Variants in PALM2AKAP2 observed in about 807,000 individuals in gnomAD.
The protein encoded by PALM2AKAP2 is PALM2 and AKAP2 fusion, also known as PALM2-AKAP2 fusion protein.
PALM2AKAP2 carries 37 observed loss-of-function variants against 71.5 expected under a neutral mutation model. The ratio of observed to expected loss-of-function variants is 0.52; its 90% CI spans 0.40 to 0.68. The LOEUF is 0.68. PALM2AKAP2 is among the 30% of genes least tolerant of loss of function. The pLI, the probability that PALM2AKAP2 is intolerant of heterozygous loss-of-function variation, is 0.00. For synonymous variants in PALM2AKAP2, 468 were observed against 478.8 expected (o/e 0.98, Z 0.29); for missense variants, 1,224 against 1,191.8 (o/e 1.03, Z -0.40).
chr9:109,676,093 A>G (rs969041964), intron 1 of PALM2AKAP2, among the ~76,000 whole-genome samples: 7 of 152,194 alleles, frequency 4.6e-5, no homozygotes, highest in Admixed American at 4.6e-4. Context: ...TGGGTAGAGA[A>G]AAGTAGTCAG....
intron 1 of PALM2AKAP2, among the ~76,000 whole-genome samples, chr9:110,080,126 C>A (rs1424580528): frequency 2.1e-5 from 3 of 142,902 alleles, no homozygotes; most frequent in African/African-American, 7.7e-5. Flanking sequence ...TCTGAAAAAT[C>A]AACTTTGTTC....
intron 1 of PALM2AKAP2, among the ~76,000 whole-genome samples, chr9:109,801,339 C>G (rs1368019325): frequency 1.3e-5 from 2 of 152,080 alleles, no homozygotes; most frequent in African/African-American, 4.8e-5. Context: ...AGGAGGAAGT[C>G]TATGGACAAT....
intron 1 of PALM2AKAP2, among the ~76,000 whole-genome samples, chr9:109,749,136 G>A (rs1267576606): frequency 6.6e-6 from 1 of 152,146 alleles, no homozygotes; most frequent in Non-Finnish European, 1.5e-5. Flanking sequence ...CCTTAAACAT[G>A]AGGCGATAGA....
chr9:110,026,161 C>T lies in PALM2AKAP2; in HGVS notation c.582+10122C>T, dbSNP rs550051311. 5.9e-5 allele frequency among the ~76,000 whole-genome samples: 9 copies of T among 152,178 alleles called. No homozygotes were observed. In the South Asian group the frequency reaches 1.5e-3, roughly 25 times the overall value. ...ACAGTGTGATCATGGCTTACTGCAGCCTCAACCTCCCAGGCCCAAGCAATC... is the reference window on the plus strand; with the variant it reads ...ACAGTGTGATCATGGCTTACTGCAGTCTCAACCTCCCAGGCCCAAGCAATC... On this transcript the variant is annotated intron_variant, in intron 7 of 9. Coordinates refer to the PALM2AKAP2 transcript ENST00000302798.
At chr9:110,094,437 A>C (rs185768286) in intron 1 of PALM2AKAP2, among the ~76,000 whole-genome samples, 4 of 152,156 alleles carry the variant, frequency 2.6e-5, no homozygotes, top group African/African-American at 9.7e-5. Flanking sequence ...GTAATTTATA[A>C]AGACAAGAGG....
At chr9:109,912,780 G>A in intron 3 of PALM2AKAP2, among the ~76,000 whole-genome samples, 1 of 152,202 alleles carries the variant, frequency 6.6e-6, no homozygotes, top group Non-Finnish European at 1.5e-5. Flanking sequence ...TTCTTAGGAT[G>A]GAAGAAGGGG....
chr9:110,161,732 C>T (rs1266816161), intron 3 of PALM2AKAP2, among the ~76,000 whole-genome samples: 4 of 152,142 alleles, frequency 2.6e-5, no homozygotes, highest in African/African-American at 4.8e-5. Context: ...TATTTGGCTA[C>T]AGACTCTAGC....
At chr9:110,096,547 A>C (rs10980198) in intron 1 of PALM2AKAP2, among the ~76,000 whole-genome samples, 2 of 151,980 alleles carry the variant, frequency 1.3e-5, no homozygotes, top group African/African-American at 4.8e-5. Flanking sequence ...GATGACAGGC[A>C]TGAGCCATCA....
At chr9:109,747,216 T>C (rs139048596) in intron 1 of PALM2AKAP2, among the ~76,000 whole-genome samples, 37 of 152,344 alleles carry the variant, frequency 2.4e-4, no homozygotes, top group African/African-American at 8.2e-4. Flanking sequence ...ATGGATTCAC[T>C]AGGCTCATTT....
chr9:109,724,523 C>CT (rs34688438), intron 1 of PALM2AKAP2, among the ~76,000 whole-genome samples: 61,848 of 151,952 alleles, frequency 0.41, 12,756 homozygotes, highest in South Asian at 0.51. Context: ...CAGTAAGGTA[C>CT]TAGAGCAGGA....
chr9:110,119,298 A>G (rs576812180), intron 1 of PALM2AKAP2, among the ~76,000 whole-genome samples: 4 of 148,598 alleles, frequency 2.7e-5, no homozygotes, highest in South Asian at 2.1e-4. Flanking sequence ...AGTCAAGATC[A>G]TGCCACTGCA....
intron 1 of PALM2AKAP2, among the ~76,000 whole-genome samples, chr9:109,742,787 G>A (rs1345571070): frequency 6.6e-6 from 1 of 152,098 alleles, no homozygotes; most frequent in Non-Finnish European, 1.5e-5. Context: ...AAGCATATGT[G>A]GACAACACAG....
chr9:109,919,133 G>C (rs1441830765), intron 3 of PALM2AKAP2, among the ~76,000 whole-genome samples: 1 of 152,192 alleles, frequency 6.6e-6, no homozygotes, highest in Non-Finnish European at 1.5e-5. Flanking sequence ...TTTTTATCAC[G>C]ATCTTGTTTG....
intron 6 of PALM2AKAP2, among the ~76,000 whole-genome samples, chr9:110,006,324 C>CTCTCTCTTTCTTTCTT (rs1554736919): frequency 9.8e-6 from 1 of 102,102 alleles, no homozygotes; most frequent in Non-Finnish European, 1.9e-5. Context: ...TTCCTTCCTT[C>CTCTCTCTTTCTTTCTT]TCTTTCTTTC....
chr9:110,160,886 C>T (rs966688666), intron 3 of PALM2AKAP2, among the ~76,000 whole-genome samples: 11 of 152,190 alleles, frequency 7.2e-5, no homozygotes, highest in African/African-American at 2.4e-4. Flanking sequence ...GGTCATCCAA[C>T]CACTCTGTCT....
At chr9:109,654,183 A>G (rs1175044587) in intron 1 of PALM2AKAP2, among the ~76,000 whole-genome samples, 1 of 152,228 alleles carries the variant, frequency 6.6e-6, no homozygotes, top group Non-Finnish European at 1.5e-5. Context: ...AAGCCATAAT[A>G]TCTTGGTATA....
chr9:109,672,718 A>T (rs764494009), intron 1 of PALM2AKAP2, among the ~76,000 whole-genome samples: 1 of 152,018 alleles, frequency 6.6e-6, no homozygotes, highest in Non-Finnish European at 1.5e-5. Context: ...GAATTTGGCT[A>T]TGAATCCTTC....
upstream of PALM2AKAP2, among the ~76,000 whole-genome samples, chr9:110,047,027 C>T (rs1223917814): frequency 6.6e-6 from 1 of 151,994 alleles, no homozygotes; most frequent in Non-Finnish European, 1.5e-5. Flanking sequence ...GTATGTAGGG[C>T]ATCCAAGCAT....
chr9:110,064,513 G>T (rs1392896046), intron 1 of PALM2AKAP2, among the ~76,000 whole-genome samples: 1 of 152,210 alleles, frequency 6.6e-6, no homozygotes, highest in Admixed American at 6.5e-5. Context: ...AGGCTGAGAT[G>T]CGAAGATTGC....
Sources: gnomAD v4.1 joint callset for allele counts (sites outside exome capture counted in the v4.1 genomes callset) on GRCh38, gnomAD v4.1.1 for gene constraint, MANE v1.5 for transcripts, NCBI Gene and HGNC (gene_info 2026-07-23, HGNC 2026-07-21) for gene names.